DAB1: variants seen among roughly 807,000 people sequenced by gnomAD.
DAB1 encodes the protein DAB adaptor protein 1, also known as disabled homolog 1.
In DAB1, 15 loss-of-function variants were observed where a neutral mutation model predicts 64.6. That is an observed-to-expected ratio of 0.23 (90% CI 0.16 to 0.36). DAB1 has a LOEUF of 0.36. DAB1 is among the 10% of genes least tolerant of loss of function. The pLI is 1.00. For synonymous variants in DAB1, 235 were observed against 251.9 expected (o/e 0.93, Z 0.64); for missense variants, 596 against 706.7 (o/e 0.84, Z 1.78).
intron 4 of DAB1, among the ~76,000 whole-genome samples, chr1:58,223,360 T>C (rs554112974): frequency 8.5e-5 from 13 of 152,272 alleles, no homozygotes; most frequent in Non-Finnish European, 1.5e-4. Flanking sequence ...AAAGGTATAA[T>C]TGAGTTTCTG....
chr1:57,644,298 G>A (rs995299322), intron 7 of DAB1, among the ~76,000 whole-genome samples: 4 of 152,174 alleles, frequency 2.6e-5, no homozygotes, highest in Non-Finnish European at 4.4e-5. Flanking sequence ...GCTGAGAGGC[G>A]CACAAGTCCA....
chr1:58,294,680 GA>G (rs1017831891), intron 4 of DAB1, among the ~76,000 whole-genome samples: 9 of 152,104 alleles, frequency 5.9e-5, no homozygotes, highest in Non-Finnish European at 1.3e-4. Flanking sequence ...TTAGAAAAAA[GA>G]GGTTAATTAC....
At chr1:57,495,765 A>G (rs17467842) in intron 7 of DAB1, among the ~76,000 whole-genome samples, 1,843 of 152,280 alleles carry the variant, frequency 0.012, 14 homozygotes, top group Non-Finnish European at 0.018. Context: ...TTAAATATCA[A>G]TCTCAGCTCT....
At chr1:57,221,039 CAT>C (rs1317352149) in intron 2 of DAB1, among the ~76,000 whole-genome samples, 3 of 152,116 alleles carry the variant, frequency 2.0e-5, no homozygotes, top group African/African-American at 7.2e-5. Flanking sequence ...AAATGTGGCA[CAT>C]ATATACCATG....
intron 1 of DAB1, among the ~76,000 whole-genome samples, chr1:57,310,322 C>G (rs575609721): frequency 4.6e-5 from 7 of 152,246 alleles, no homozygotes; most frequent in African/African-American, 1.7e-4. Flanking sequence ...GGGGGAAGAA[C>G]ATTTGAGGCA....
chr1:57,119,831 C>G (rs1202128150), intron 4 of DAB1, among the ~76,000 whole-genome samples: 2 of 152,112 alleles, frequency 1.3e-5, no homozygotes, highest in African/African-American at 4.8e-5. Flanking sequence ...GGATTCCGAC[C>G]TTGGGAAACA....
intron 7 of DAB1, among the ~76,000 whole-genome samples, chr1:57,584,859 T>C (rs1570649438): frequency 6.6e-6 from 1 of 152,078 alleles, no homozygotes; most frequent in Non-Finnish European, 1.5e-5. Flanking sequence ...TGGCAGGAGG[T>C]AGAATGAGAG....
intron 1 of DAB1, among the ~76,000 whole-genome samples, chr1:57,373,362 T>C (rs1680648176): frequency 6.6e-6 from 1 of 152,054 alleles, no homozygotes; most frequent in East Asian, 1.9e-4. Context: ...ATAGGCCAAG[T>C]GTTCAGTTAA....
chr1:57,433,177 C>A (rs1482671964), intron 7 of DAB1, among the ~76,000 whole-genome samples: 1 of 152,056 alleles, frequency 6.6e-6, no homozygotes, highest in East Asian at 1.9e-4. Flanking sequence ...CAATAAAATT[C>A]CTAGCACACT....
chr1:57,854,028 G>A (rs1359308219), intron 1 of DAB1, among the ~76,000 whole-genome samples: 1 of 152,068 alleles, frequency 6.6e-6, no homozygotes. Context: ...AATATTAAAT[G>A]CCTCTATGCT....
At chr1:57,974,338 C>T (rs1224621810) in intron 5 of DAB1, among the ~76,000 whole-genome samples, 1 of 152,090 alleles carries the variant, frequency 6.6e-6, no homozygotes, top group African/African-American at 2.4e-5. Context: ...TGTGTCTCAT[C>T]TACCTCCCCT....
At chr1:58,048,826 T>A (rs1647423734) in intron 5 of DAB1, 5 of 1,054,750 alleles carry the variant, frequency 4.7e-6, no homozygotes, top group Non-Finnish European at 7.3e-6. Context: ...CACGGAATCA[T>A]GGTTGTCAAA....
At chr1:57,299,397 C>T (rs969576038) in intron 1 of DAB1, among the ~76,000 whole-genome samples, 1 of 152,172 alleles carries the variant, frequency 6.6e-6, no homozygotes, top group Non-Finnish European at 1.5e-5. Context: ...AGTCAATCTT[C>T]GGCAAGGCAA....
chr1:57,864,019 C>A (rs879915074), intron 1 of DAB1, among the ~76,000 whole-genome samples: 1 of 152,126 alleles, frequency 6.6e-6, no homozygotes, highest in Non-Finnish European at 1.5e-5. Flanking sequence ...TGAGATAGGA[C>A]ATTAATACAT....
rs1028551735 is a variant in DAB1 at position 58,195,273 on chromosome 1, C to T, written n.310-44685G>A. Among the ~76,000 whole-genome samples the T allele has an allele frequency of 4.6e-5, 7 of 151,920 alleles. No individual in the cohort carries two copies. In the East Asian group the frequency reaches 5.8e-4, roughly 13 times the overall value. ...AAAATGAATGCAACGAGAGATACTT[C>T]GAGGAAGAAGGGCAGAAATCAAGAC... is the stretch of plus-strand genomic sequence containing the variant. On this transcript the variant is annotated intron_variant and non_coding_transcript_variant, in intron 4 of 20. Coordinates refer to the DAB1 transcript ENST00000485760.
chr1:57,287,188 C>CCT (rs1672384295), intron 2 of DAB1, among the ~76,000 whole-genome samples: 1 of 152,220 alleles, frequency 6.6e-6, no homozygotes, highest in African/African-American at 2.4e-5. Flanking sequence ...CCTCCCAACT[C>CCT]AGCCTCCTGA....
intron 1 of DAB1, among the ~76,000 whole-genome samples, chr1:57,323,344 G>A (rs1187714649): frequency 6.6e-6 from 1 of 152,166 alleles, no homozygotes; most frequent in African/African-American, 2.4e-5. Flanking sequence ...AACAGGTGGT[G>A]ACTTTATTGA....
chr1:57,482,409 C>T (rs1644032470), intron 7 of DAB1, among the ~76,000 whole-genome samples: 1 of 137,510 alleles, frequency 7.3e-6, no homozygotes, highest in African/African-American at 2.7e-5. Context: ...CCTCGAAGTA[C>T]TTTTCTAATG....
At chr1:58,382,575 C>T (rs921988660) in intron 3 of DAB1, among the ~76,000 whole-genome samples, 11 of 152,058 alleles carry the variant, frequency 7.2e-5, no homozygotes, top group East Asian at 1.9e-4. Flanking sequence ...GCAGAAAGTA[C>T]GGGAATATTC....
Sources: gnomAD v4.1 joint callset for allele counts (sites outside exome capture counted in the v4.1 genomes callset) on GRCh38, gnomAD v4.1.1 for gene constraint, MANE v1.5 for transcripts, NCBI Gene and HGNC (gene_info 2026-07-23, HGNC 2026-07-21) for gene names.